Variants in CALCR observed in about 807,000 individuals in gnomAD.
CALCR encodes the protein calcitonin receptor.
Under a neutral mutation model 59.5 loss-of-function variants are expected in CALCR, and 47 were observed. The ratio of observed to expected loss-of-function variants is 0.79; its 90% CI spans 0.63 to 1.01. CALCR has a LOEUF of 1.01. CALCR is among the 50% of genes least tolerant of loss of function. CALCR has a pLI of 0.00. For missense variants in CALCR, 566 were observed against 597.1 expected (o/e 0.95, Z 0.54); for synonymous variants, 213 against 211.3 (o/e 1.01, Z -0.07).
At chr7:93,440,587 T>C (rs1799880692) in intron 9 of CALCR, among the ~76,000 whole-genome samples, 1 of 151,828 alleles carries the variant, frequency 6.6e-6, no homozygotes, top group Non-Finnish European at 1.5e-5. Context: ...AGTCTTAGCT[T>C]TGGCATGCTA....
At chr7:93,531,578 A>G (rs1292713514) in intron 2 of CALCR, among the ~76,000 whole-genome samples, 1 of 152,076 alleles carries the variant, frequency 6.6e-6, no homozygotes, top group Non-Finnish European at 1.5e-5. Context: ...ATTTATTTTT[A>G]TATACTCCTC....
intron 3 of CALCR, among the ~76,000 whole-genome samples, chr7:93,485,098 G>A (rs1318743207): frequency 1.3e-5 from 2 of 151,712 alleles, no homozygotes; most frequent in Non-Finnish European, 3.0e-5. Context: ...AAGTGTCAGT[G>A]TGAACATAAT....
At chr7:93,473,952 A>T (rs1348882790) in intron 5 of CALCR, among the ~76,000 whole-genome samples, 1 of 151,692 alleles carries the variant, frequency 6.6e-6, no homozygotes, top group African/African-American at 2.4e-5. Context: ...TCCAAACTTG[A>T]TAGAAATAAT....
At chr7:93,447,195 A>T (rs1488046443) in intron 8 of CALCR, among the ~76,000 whole-genome samples, 1 of 152,076 alleles carries the variant, frequency 6.6e-6, no homozygotes, top group African/African-American at 2.4e-5. Flanking sequence ...CCCAAAGGGC[A>T]TTTATAATAA....
intron 2 of CALCR, among the ~76,000 whole-genome samples, chr7:93,545,767 C>T (rs561621738): frequency 2.0e-5 from 3 of 152,114 alleles, no homozygotes; most frequent in Admixed American, 1.3e-4. Flanking sequence ...ACCATGGGAT[C>T]GACCTCATAT....
intron 8 of CALCR, among the ~76,000 whole-genome samples, chr7:93,458,789 T>C (rs947917242): frequency 1.3e-5 from 2 of 152,144 alleles, no homozygotes; most frequent in African/African-American, 4.8e-5. Flanking sequence ...TAGTCCCTAC[T>C]GTTACTAGAT....
At chr7:93,447,362 A>G (rs77497934) in intron 8 of CALCR, among the ~76,000 whole-genome samples, 1 of 152,164 alleles carries the variant, frequency 6.6e-6, no homozygotes, top group African/African-American at 2.4e-5. Context: ...TCTAATCTAC[A>G]TAACATAGGA....
Position 93,477,961 on chromosome 7 carries a change from C to CAAAAAAAAAAAAAA in CALCR, c.206-307_206-294dup, listed in dbSNP as rs71107894. Among the ~76,000 whole-genome samples, 14 of 54,398 alleles carry CAAAAAAAAAAAAAA rather than the reference C, an allele frequency of 2.6e-4. 1 individual carries two copies. Among genetic ancestry groups the CAAAAAAAAAAAAAA allele is most frequent in the African/African-American group, 7.1e-4 (10 of 14,180 alleles). The allele number at this position is 54,398 out of a possible 152,430, so 35.7% of individuals were successfully genotyped here. A position where few individuals can be genotyped will look rare whatever the true frequency, so the allele number is the denominator to read the frequency against. Reference sequence around the variant, plus strand: ...CCCCAAAGACTGCAAGACCCTCTCTCAAAAAAAAAAAAAAAAAAAAAAAAA... The same window carrying CAAAAAAAAAAAAAA: ...CCCCAAAGACTGCAAGACCCTCTCTCAAAAAAAAAAAAAAAAAAAAAAAAAAAAAAAAAAAAAAA... On this transcript the variant is annotated intron_variant, in intron 4 of 13. Coordinates refer to ENST00000426151, the MANE Select transcript of CALCR (RefSeq NM_001742.4).
chr7:93,507,777 G>T (rs1200510804), intron 2 of CALCR, among the ~76,000 whole-genome samples: 1 of 147,692 alleles, frequency 6.8e-6, no homozygotes, highest in African/African-American at 2.5e-5. Context: ...AAAAAATTTA[G>T]CCAGGCATGG....
chr7:93,573,849 C>A (rs919570268), intron 2 of CALCR, among the ~76,000 whole-genome samples: 9 of 152,342 alleles, frequency 5.9e-5, no homozygotes, highest in African/African-American at 2.2e-4. Context: ...CCATTCACTA[C>A]TGTGCTCATT....
chr7:93,513,381 C>T (rs1475960701), intron 2 of CALCR, among the ~76,000 whole-genome samples: 2 of 152,058 alleles, frequency 1.3e-5, no homozygotes, highest in African/African-American at 2.4e-5. Context: ...ACTAGGACAC[C>T]TTATTAAATA....
intron 2 of CALCR, among the ~76,000 whole-genome samples, chr7:93,519,731 T>C (rs1356579740): frequency 2.0e-5 from 3 of 152,014 alleles, no homozygotes; most frequent in Admixed American, 6.6e-5. Flanking sequence ...GGTGATTAAA[T>C]CATGGGGGCG....
chr7:93,509,299 C>T (rs1801495651), intron 2 of CALCR, among the ~76,000 whole-genome samples: 1 of 152,078 alleles, frequency 6.6e-6, no homozygotes, highest in African/African-American at 2.4e-5. Context: ...TAAGGAGCCA[C>T]CTTCTCCTAG....
intron 3 of CALCR, among the ~76,000 whole-genome samples, chr7:93,484,925 G>C (rs1800907703): frequency 1.3e-5 from 2 of 151,708 alleles, no homozygotes; most frequent in South Asian, 2.1e-4. Flanking sequence ...TTAATGGAAA[G>C]AGGCTAATTG....
intron 8 of CALCR, among the ~76,000 whole-genome samples, chr7:93,459,375 T>G (rs1342504557): frequency 1.3e-5 from 2 of 152,182 alleles, no homozygotes; most frequent in Non-Finnish European, 2.9e-5. Context: ...TGCTTTGCCT[T>G]TTTATCCTCA....
chr7:93,455,108 A>G (rs1381070681), intron 8 of CALCR, among the ~76,000 whole-genome samples: 1 of 152,036 alleles, frequency 6.6e-6, no homozygotes, highest in Non-Finnish European at 1.5e-5. Flanking sequence ...TGATTCAGTG[A>G]CCCTGAATTG....
At chr7:93,499,480 T>C (rs906652047) in intron 2 of CALCR, among the ~76,000 whole-genome samples, 2 of 151,862 alleles carry the variant, frequency 1.3e-5, no homozygotes, top group African/African-American at 4.8e-5. Flanking sequence ...CAATGGACAT[T>C]CAAGGAATGG....
At chr7:93,563,568 G>C (rs1789794940) in intron 2 of CALCR, among the ~76,000 whole-genome samples, 1 of 152,154 alleles carries the variant, frequency 6.6e-6, no homozygotes, top group South Asian at 2.1e-4. Context: ...ACAATGCAGA[G>C]TGGAATACTA....
chr7:93,451,476 A>G (rs1295760824), intron 8 of CALCR, among the ~76,000 whole-genome samples: 1 of 152,024 alleles, frequency 6.6e-6, no homozygotes, highest in African/African-American at 2.4e-5. Flanking sequence ...AAAAGAAAAT[A>G]AGTTTTGTCT....
Sources: gnomAD v4.1 joint callset for allele counts (sites outside exome capture counted in the v4.1 genomes callset) on GRCh38, gnomAD v4.1.1 for gene constraint, MANE v1.5 for transcripts, NCBI Gene and HGNC (gene_info 2026-07-23, HGNC 2026-07-21) for gene names.